Variants in ZNF883 observed in about 807,000 individuals in gnomAD.
ZNF883 encodes zinc finger protein 883.
upstream of ZNF883, chr9:112,999,617 A>G (rs1490895277): frequency 1.3e-5 from 2 of 152,172 alleles, no homozygotes; most frequent in African/African-American, 4.8e-5. Flanking sequence ...CTCTGGTTCA[A>G]TAATTTGCTA....
chr9:112,999,962 G>A (rs1040202507), upstream of ZNF883: 1 of 152,086 alleles, frequency 6.6e-6, no homozygotes, highest in Non-Finnish European at 1.5e-5. Flanking sequence ...ATCCACTATT[G>A]AGGCTATCTA....
At chr9:112,997,415 T>C in exon 1 of ZNF883, 1 of 1,614,040 alleles carries the variant, frequency 6.2e-7, no homozygotes, top group East Asian at 2.2e-5. Context: ...TTTTAGATGT[T>C]CAGTAAGGTG....
At chr9:113,002,832 G>A (rs1289718343), upstream of ZNF883, among the ~76,000 whole-genome samples, 2 of 152,114 alleles carry the variant, frequency 1.3e-5, no homozygotes, top group African/African-American at 2.4e-5. Flanking sequence ...TCATGGAAGG[G>A]ATTAAGGACC....
chr9:113,010,540 A>C (rs1424806103), intron 2 of ZNF883, among the ~76,000 whole-genome samples: 1 of 152,202 alleles, frequency 6.6e-6, no homozygotes, highest in Non-Finnish European at 1.5e-5. Flanking sequence ...GAAAATTGCT[A>C]TGAGAGCAGT....
downstream of ZNF883, among the ~76,000 whole-genome samples, chr9:112,995,024 T>C (rs938510140): frequency 6.6e-6 from 1 of 152,192 alleles, no homozygotes; most frequent in Non-Finnish European, 1.5e-5. Flanking sequence ...ATGGTTAATT[T>C]TATGTGTCAA....
At chr9:112,997,104 G>C (rs375539081), downstream of ZNF883, 3 of 1,566,246 alleles carry the variant, frequency 1.9e-6, no homozygotes, top group African/African-American at 2.7e-5. Flanking sequence ...ACTGACTGCA[G>C]GCTTTCCCAC....
At chr9:113,006,140 T>C (rs1230220326) in intron 2 of ZNF883, among the ~76,000 whole-genome samples, 1 of 147,216 alleles carries the variant, frequency 6.8e-6, no homozygotes, top group Non-Finnish European at 1.5e-5. Flanking sequence ...AGAATCAAGA[T>C]GACAACAAAA....
chr9:113,007,159 A>T (rs1438015360), intron 2 of ZNF883, among the ~76,000 whole-genome samples: 1 of 152,178 alleles, frequency 6.6e-6, no homozygotes, highest in African/African-American at 2.4e-5. Flanking sequence ...GTGCCACTGC[A>T]CTCTAGTCTG....
chr9:113,009,793 C>A (rs576920318), intron 2 of ZNF883, among the ~76,000 whole-genome samples: 2 of 152,106 alleles, frequency 1.3e-5, no homozygotes, highest in Non-Finnish European at 2.9e-5. Context: ...CAGGCATGAG[C>A]CATCACGCCC....
upstream of ZNF883, among the ~76,000 whole-genome samples, chr9:113,001,734 G>A (rs964100383): frequency 6.6e-6 from 1 of 151,946 alleles, no homozygotes; most frequent in Admixed American, 6.6e-5. Flanking sequence ...TATTTATATG[G>A]TTCTTCTTAG....
intron 1 of ZNF883, among the ~76,000 whole-genome samples, chr9:112,991,934 T>C (rs1828307341): frequency 6.6e-6 from 1 of 152,242 alleles, no homozygotes; most frequent in Non-Finnish European, 1.5e-5. Context: ...ATTTGTTTGG[T>C]AAATTTTCTG....
intron 2 of ZNF883, among the ~76,000 whole-genome samples, chr9:113,009,227 G>GAA (rs1828508052): frequency 6.6e-6 from 1 of 152,062 alleles, no homozygotes; most frequent in African/African-American, 2.4e-5. Flanking sequence ...CAATAACACC[G>GAA]AACACCATCA....
exon 1 of ZNF883, chr9:112,998,169 G>T (rs779825970): frequency 1.2e-6 from 2 of 1,613,738 alleles, no homozygotes; most frequent in Non-Finnish European, 8.5e-7. Flanking sequence ...GTTTTCTGAT[G>T]CTGGGTCAGG....
intron 2 of ZNF883, among the ~76,000 whole-genome samples, chr9:113,005,588 T>C (rs946651127): frequency 6.6e-6 from 1 of 152,188 alleles, no homozygotes; most frequent in African/African-American, 2.4e-5. Flanking sequence ...ATTTACTTAT[T>C]ATAAAGTCAC....
chr9:112,999,403 A>C (rs1469421680), upstream of ZNF883, among the ~76,000 whole-genome samples: 1 of 152,060 alleles, frequency 6.6e-6, no homozygotes, highest in African/African-American at 2.4e-5. Flanking sequence ...ATTCTGACCA[A>C]TTCTCCAACT....
downstream of ZNF883, among the ~76,000 whole-genome samples, chr9:112,992,463 G>T (rs184155699): frequency 6.6e-6 from 1 of 152,272 alleles, no homozygotes; most frequent in Non-Finnish European, 1.5e-5. Flanking sequence ...ATTCTGATGG[G>T]CTCCCCTTTG....
At chr9:113,002,398 A>C (rs1828434479), upstream of ZNF883, among the ~76,000 whole-genome samples, 1 of 140,292 alleles carries the variant, frequency 7.1e-6, no homozygotes, top group Non-Finnish European at 1.5e-5. Context: ...CTTGAATGAG[A>C]TCAGAGAGTA....
downstream of ZNF883, among the ~76,000 whole-genome samples, chr9:112,995,203 A>C (rs554127593): frequency 1.3e-5 from 2 of 151,192 alleles, no homozygotes; most frequent in Non-Finnish European, 3.0e-5. Context: ...AAATAGAATA[A>C]AAGGCTGAGT....
chr9:112,994,379 G>GGA (rs1828329558), downstream of ZNF883, among the ~76,000 whole-genome samples: 1 of 150,862 alleles, frequency 6.6e-6, no homozygotes, highest in South Asian at 2.1e-4. Flanking sequence ...AGTCCCAATA[G>GGA]GAGAACCTGG....
Sources: gnomAD v4.1 joint callset for allele counts (sites outside exome capture counted in the v4.1 genomes callset) on GRCh38, gnomAD v4.1.1 for gene constraint, MANE v1.5 for transcripts, NCBI Gene and HGNC (gene_info 2026-07-23, HGNC 2026-07-21) for gene names.